DSCAM: variants seen among roughly 807,000 people sequenced by gnomAD.
The protein encoded by DSCAM is cell adhesion molecule DSCAM.
In DSCAM, 47 loss-of-function variants were observed where a neutral mutation model predicts 217.7. That is an observed-to-expected ratio of 0.22 (90% CI 0.17 to 0.28). The LOEUF (loss-of-function observed/expected upper bound fraction) is 0.28, where lower values mean the gene tolerates loss of function less well. Among genes scored for constraint, DSCAM ranks in the 10% least tolerant of loss-of-function variants. The pLI is 1.00. For synonymous variants in DSCAM, 1,056 were observed against 1,015.3 expected, an observed-to-expected ratio of 1.04 and a Z score of -0.76; for missense variants, 2,080 against 2,618.3, an observed-to-expected ratio of 0.79 and a Z score of 4.49.
At chr21:40,145,026 G>T (rs1374546186) in intron 16 of DSCAM, among the ~76,000 whole-genome samples, 1 of 152,184 alleles carries the variant, frequency 6.6e-6, no homozygotes, top group Non-Finnish European at 1.5e-5. Flanking sequence ...GAACATGGGT[G>T]TTGGGCCCCA....
chr21:40,371,361 T>C (rs1217699700), intron 3 of DSCAM, among the ~76,000 whole-genome samples: 1 of 152,146 alleles, frequency 6.6e-6, no homozygotes, highest in East Asian at 1.9e-4. Context: ...TTTTGCATAC[T>C]TACATAATGC....
chr21:40,617,281 G>A (rs1403422380), intron 3 of DSCAM, among the ~76,000 whole-genome samples: 8 of 151,246 alleles, frequency 5.3e-5, no homozygotes, highest in East Asian at 2.0e-4. Flanking sequence ...CCGCCACCAC[G>A]CTCGGCTAAT....
intron 3 of DSCAM, among the ~76,000 whole-genome samples, chr21:40,454,094 A>G (rs957481331): frequency 6.6e-6 from 1 of 152,232 alleles, no homozygotes; most frequent in Non-Finnish European, 1.5e-5. Context: ...ATATAAGCCA[A>G]TTAGACAGTC....
intron 20 of DSCAM, among the ~76,000 whole-genome samples, chr21:40,112,001 G>A (rs974262721): frequency 6.6e-6 from 1 of 151,974 alleles, no homozygotes. Context: ...ACATTAGACA[G>A]ATCAACGAGA....
chr21:40,453,209 T>C (rs16999807), intron 3 of DSCAM, among the ~76,000 whole-genome samples: 11,300 of 152,174 alleles, frequency 0.074, 824 homozygotes, highest in African/African-American at 0.18. Flanking sequence ...GCTTTCTGAC[T>C]TTATAGGATT....
intron 22 of DSCAM, among the ~76,000 whole-genome samples, chr21:40,086,419 G>C (rs879338922): frequency 5.9e-5 from 9 of 152,140 alleles, no homozygotes; most frequent in Non-Finnish European, 8.8e-5. Flanking sequence ...GAGAAAAGTG[G>C]TCACTAAACC....
chr21:40,464,881 C>T (rs984037054), intron 3 of DSCAM, among the ~76,000 whole-genome samples: 1 of 151,954 alleles, frequency 6.6e-6, no homozygotes, highest in Non-Finnish European at 1.5e-5. Flanking sequence ...GCTGGGACTA[C>T]AGGCACACAT....
rs535601908 is a variant in DSCAM, at chr21:40,675,476, A to G, written c.508+17334T>C. Among the ~76,000 whole-genome samples the G allele has an allele frequency of 1.1e-3, 173 of 152,278 alleles. 1 individual carries two copies. The highest frequency in any genetic ancestry group is 4.1e-3 in the African/African-American group (170 of 41,554). On this transcript the variant is annotated intron_variant, in intron 3 of 32. Transcript: ENST00000400454. ...CCTCCTATAGAATCCCCACGCCAAT[A>G]ACTTCGTTTCTGTAACTAGGTTCAA...
chr21:40,142,585 T>C lies in DSCAM; in HGVS notation c.3379A>G (p.Ile1127Val). The C allele has an allele frequency of 1.2e-6, 2 of 1,614,124 alleles. No homozygotes were observed. The highest frequency in any genetic ancestry group is 1.7e-6 in the Non-Finnish European group (2 of 1,179,996). The change falls in exon 18 of 33, where the codon ATT becomes GTT. Residue 1127 changes from isoleucine (I) to valine (V), a missense_variant. By Grantham distance (29) the Ile-to-Val change is conservative. Coordinates refer to ENST00000400454, the MANE Select transcript of DSCAM (RefSeq NM_001389.5). Reference sequence around the variant, plus strand: ...CCGTCCATGAGGTTGGCCCAGTAAATGACTCTGAACCCCTGGAGAATTCCA... The same window carrying C: ...CCGTCCATGAGGTTGGCCCAGTAAACGACTCTGAACCCCTGGAGAATTCCA... The part of the protein sequence containing the change: ...LNGILQGFRV[I>V]YWANLMDGEL...
intron 16 of DSCAM, among the ~76,000 whole-genome samples, chr21:40,158,726 A>G (rs2090506609): frequency 6.6e-6 from 1 of 152,226 alleles, no homozygotes; most frequent in Non-Finnish European, 1.5e-5. Context: ...TCCAACTTCA[A>G]ATTGTTACTG....
intron 8 of DSCAM, among the ~76,000 whole-genome samples, chr21:40,335,255 A>G (rs1689237437): frequency 6.6e-6 from 1 of 152,118 alleles, no homozygotes; most frequent in African/African-American, 2.4e-5. Context: ...ACATAAAATA[A>G]TATTTTCCTT....
chr21:40,038,070 G>T (rs1326208839), intron 32 of DSCAM, among the ~76,000 whole-genome samples: 1 of 151,518 alleles, frequency 6.6e-6, no homozygotes, highest in East Asian at 1.9e-4. Context: ...AACCCTAGAA[G>T]AAAACCTAGG....
chr21:40,146,730 G>A (rs1042966549), intron 16 of DSCAM, among the ~76,000 whole-genome samples: 1 of 152,110 alleles, frequency 6.6e-6, no homozygotes, highest in Non-Finnish European at 1.5e-5. Context: ...CTGTTGGCTC[G>A]GAGTTAGACC....
intron 8 of DSCAM, among the ~76,000 whole-genome samples, chr21:40,318,652 A>C (rs538193713): frequency 2.6e-5 from 4 of 152,210 alleles, no homozygotes; most frequent in African/African-American, 7.2e-5. Context: ...ACCGTGACTT[A>C]GGCTGCTGGT....
At chr21:40,414,843 T>C (rs970907963) in intron 3 of DSCAM, among the ~76,000 whole-genome samples, 37 of 152,194 alleles carry the variant, frequency 2.4e-4, no homozygotes, top group African/African-American at 8.9e-4. Context: ...GCTAAAAAGA[T>C]AATTTATCAA....
intron 11 of DSCAM, among the ~76,000 whole-genome samples, chr21:40,233,479 A>G (rs748328921): frequency 4.6e-5 from 7 of 152,162 alleles, no homozygotes; most frequent in Admixed American, 6.5e-5. Context: ...CCATGCTTCA[A>G]TATGTTCTTA....
At chr21:40,376,433 TA>T in intron 3 of DSCAM, among the ~76,000 whole-genome samples, 1 of 144,440 alleles carries the variant, frequency 6.9e-6, no homozygotes, top group East Asian at 2.0e-4. Context: ...TATAGATATC[TA>T]TATATCTTAT....
intron 3 of DSCAM, among the ~76,000 whole-genome samples, chr21:40,551,460 G>A (rs1325606760): frequency 1.3e-5 from 2 of 152,182 alleles, no homozygotes; most frequent in African/African-American, 2.4e-5. Context: ...AGTCTCATAG[G>A]TGGCTGCCCT....
At chr21:40,218,375 A>G (rs776493998) in intron 11 of DSCAM, among the ~76,000 whole-genome samples, 18 of 152,106 alleles carry the variant, frequency 1.2e-4, no homozygotes, top group Non-Finnish European at 2.6e-4. Context: ...TACCATTACC[A>G]TGGTATTTTG....
Sources: allele counts gnomAD v4.1 joint callset (sites outside exome capture counted in the v4.1 genomes callset), GRCh38; gene constraint gnomAD v4.1.1; transcripts MANE v1.5; gene names NCBI Gene and HGNC (gene_info 2026-07-23, HGNC 2026-07-21).